HMGA2: variants seen among roughly 807,000 people sequenced by gnomAD.
HMGA2 encodes high mobility group AT-hook 2.
Under a neutral mutation model 19.1 loss-of-function variants are expected in HMGA2, and 8 were observed. The ratio of observed to expected loss-of-function variants is 0.42; its 90% CI spans 0.25 to 0.76. HMGA2 has a LOEUF of 0.76. Among genes scored for constraint, HMGA2 ranks in the 30% least tolerant of loss-of-function variants. The probability of loss-of-function intolerance (pLI) is 0.28; values close to 1 mark genes in which losing one functional copy is unlikely to be tolerated. For synonymous variants in HMGA2, 60 were observed against 48.8 expected (o/e 1.23, Z -0.96); for missense variants, 109 against 136.3 (o/e 0.80, Z 1.00).
At position 65,854,933 on chromosome 12, in the gene HMGA2, C is replaced by T. The variant is rs1871655850; in HGVS notation, c.249+16364C>T. Among the ~76,000 whole-genome samples, 2 of 152,178 alleles carry T rather than the reference C, an allele frequency of 1.3e-5. 1 individual carries two copies. Among genetic ancestry groups the T allele is most frequent in the South Asian group, 4.1e-4 (2 of 4,834 alleles). On this transcript the variant is annotated intron_variant, in intron 3 of 4. Coordinates refer to ENST00000403681, the MANE Select transcript of HMGA2 (RefSeq NM_003483.6). ...CCCTCATTATAAAGGTCTGGCTGGC[C>T]CTGGCAAAATCATAGGTGGGCTTTG...
chr12:65,913,089 T>C (rs78161019), intron 3 of HMGA2, among the ~76,000 whole-genome samples: 12,843 of 152,196 alleles, frequency 0.084, 865 homozygotes, highest in African/African-American at 0.19. Flanking sequence ...CTAGACGTTA[T>C]TAAAACAAAA....
chr12:65,862,273 C>CCACACACACA (rs1451926486), intron 3 of HMGA2, among the ~76,000 whole-genome samples: 1 of 75,802 alleles, frequency 1.3e-5, no homozygotes, highest in African/African-American at 7.3e-5. Context: ...CCAAAATGCA[C>CCACACACACA]CATACACACA....
At chr12:65,937,728 G>A (rs747737599) in intron 3 of HMGA2, among the ~76,000 whole-genome samples, 4 of 152,110 alleles carry the variant, frequency 2.6e-5, no homozygotes, top group South Asian at 4.1e-4. Context: ...AAACATACAC[G>A]TTCTACAAAG....
chr12:65,926,836 G>A (rs1455912984), intron 3 of HMGA2, among the ~76,000 whole-genome samples: 4 of 152,148 alleles, frequency 2.6e-5, no homozygotes, highest in African/African-American at 9.7e-5. Flanking sequence ...CTCTGAGAGA[G>A]GTTTGGGTGA....
At chr12:65,940,760 A>C (rs903262800) in intron 3 of HMGA2, among the ~76,000 whole-genome samples, 49 of 152,198 alleles carry the variant, frequency 3.2e-4, no homozygotes, top group African/African-American at 1.2e-3. Context: ...TGGCCTTGCA[A>C]TGTTTTGCAA....
chr12:65,845,924 CTTTGT>C (rs1235878579), intron 3 of HMGA2, among the ~76,000 whole-genome samples: 3 of 152,190 alleles, frequency 2.0e-5, no homozygotes, highest in African/African-American at 7.2e-5. Context: ...CCCTTCTTTG[CTTTGT>C]TTTCTCTCCT....
In HMGA2 at chr12:65,838,585, T is replaced by C. The variant is rs1311636431; in HGVS notation, c.249+16T>C. On this transcript the variant is annotated intron_variant, in intron 3 of 4. Coordinates refer to ENST00000403681, the MANE Select transcript of HMGA2 (RefSeq NM_003483.6). ...TAGGAAATGGGTGAGTAATAAGATA[T>C]AATTTTTCTTCTTTTTTTTAAAGAA... The C allele has an allele frequency of 2.5e-6, 4 of 1,581,646 alleles. No homozygotes were observed. Among genetic ancestry groups the C allele is most frequent in the East Asian group, 4.5e-5 (2 of 44,064 alleles).
At chr12:65,906,945 A>G (rs1438778490) in intron 3 of HMGA2, among the ~76,000 whole-genome samples, 1 of 152,174 alleles carries the variant, frequency 6.6e-6, no homozygotes. Context: ...TACAAACATT[A>G]AAGATCAAGA....
intron 3 of HMGA2, among the ~76,000 whole-genome samples, chr12:65,901,582 A>G (rs931508657): frequency 6.6e-6 from 1 of 152,226 alleles, no homozygotes; most frequent in Admixed American, 6.5e-5. Context: ...AGCAAGTGAA[A>G]CAAATTACAG....
intron 3 of HMGA2, among the ~76,000 whole-genome samples, chr12:65,855,599 A>T (rs1436358825): frequency 7.2e-5 from 11 of 152,146 alleles, no homozygotes; most frequent in Admixed American, 7.2e-4. Flanking sequence ...ATTTGCAAAC[A>T]GTTCAAACTG....
intron 3 of HMGA2, among the ~76,000 whole-genome samples, chr12:65,924,779 A>G (rs1009872395): frequency 1.3e-5 from 2 of 152,188 alleles, no homozygotes; most frequent in African/African-American, 4.8e-5. Flanking sequence ...GCCTGGCAGT[A>G]GAGCAAGACT....
intron 4 of HMGA2, among the ~76,000 whole-genome samples, chr12:65,961,010 C>T (rs147474188): frequency 7.2e-5 from 11 of 152,208 alleles, no homozygotes; most frequent in Admixed American, 5.2e-4. Flanking sequence ...TGTTTCCTTC[C>T]GGATTTGAAA....
intron 3 of HMGA2, chr12:65,842,092 C>T: frequency 1.6e-6 from 2 of 1,288,426 alleles, no homozygotes; most frequent in Non-Finnish European, 2.0e-6. Flanking sequence ...GTAGAAGAGG[C>T]TAGAGGTAAA....
intron 3 of HMGA2, chr12:65,866,960 A>G (rs1188946053): frequency 2.2e-6 from 1 of 456,614 alleles, no homozygotes; most frequent in South Asian, 1.6e-5. Context: ...TGACACTGGT[A>G]GAGAGAGAGA....
At chr12:65,850,570 G>A (rs1361052444) in intron 3 of HMGA2, among the ~76,000 whole-genome samples, 1 of 150,546 alleles carries the variant, frequency 6.6e-6, no homozygotes, top group Non-Finnish European at 1.5e-5. Flanking sequence ...GTAATAATGT[G>A]GTAAGTATTC....
chr12:65,934,369 C>T (rs1002895642), intron 3 of HMGA2, among the ~76,000 whole-genome samples: 5 of 152,288 alleles, frequency 3.3e-5, no homozygotes, highest in Admixed American at 6.5e-5. Context: ...ATAACATCAG[C>T]ATACTTTTAT....
chr12:65,920,704 C>T (rs1033539856), intron 3 of HMGA2, among the ~76,000 whole-genome samples: 3 of 152,174 alleles, frequency 2.0e-5, no homozygotes, highest in Admixed American at 2.0e-4. Flanking sequence ...AAGTGCCGTT[C>T]GCCTCCCGCT....
chr12:65,824,728 T>G lies in HMGA2; in HGVS notation c.-543T>G, dbSNP rs1472263176. 1.1e-5 allele frequency: 2 copies of G among 179,278 alleles called. No homozygotes were observed. Among genetic ancestry groups the G allele is most frequent in the African/African-American group, 7.0e-5 (2 of 28,462 alleles). The allele number at this position is 179,278 out of a possible 1,614,324, so 11.1% of individuals were successfully genotyped here. On this transcript the variant is annotated 5_prime_UTR_variant, in exon 1 of 5. Coordinates refer to ENST00000403681, the MANE Select transcript of HMGA2 (RefSeq NM_003483.6). ...TCTCAATCTCTTCTCTCTCTCTCTCTCTCTCTCTCTCTCTCTCTCTCTCTC... is the reference window on the plus strand; with the variant it reads ...TCTCAATCTCTTCTCTCTCTCTCTCGCTCTCTCTCTCTCTCTCTCTCTCTC...
chr12:65,905,307 T>TA (rs1181941448), intron 3 of HMGA2, among the ~76,000 whole-genome samples: 5 of 152,276 alleles, frequency 3.3e-5, no homozygotes, highest in Middle Eastern at 3.4e-3. Context: ...TTTTTGTAGG[T>TA]AAAAAAATTG....
Sources: allele counts gnomAD v4.1 joint callset (sites outside exome capture counted in the v4.1 genomes callset), GRCh38; gene constraint gnomAD v4.1.1; transcripts MANE v1.5; gene names NCBI Gene and HGNC (gene_info 2026-07-23, HGNC 2026-07-21).